SGCZ: variants seen among roughly 807,000 people sequenced by gnomAD.
The protein encoded by SGCZ is sarcoglycan zeta.
SGCZ carries 40 observed loss-of-function variants against 41.3 expected under a neutral mutation model. The observed-to-expected ratio is 0.97, with a 90% CI of 0.75 to 1.26. The LOEUF is 1.26. Among genes scored for constraint, SGCZ ranks in the 50% most tolerant of loss-of-function variants. The probability of loss-of-function intolerance (pLI) is 0.00; values close to 1 mark genes in which losing one functional copy is unlikely to be tolerated. For missense variants in SGCZ, 552 were observed against 369.8 expected, an observed-to-expected ratio of 1.49 and a Z score of -4.04; for synonymous variants, 206 against 137.5, an observed-to-expected ratio of 1.50 and a Z score of -3.49.
chr8:14,642,837 A>C (rs1807072839), intron 1 of SGCZ, among the ~76,000 whole-genome samples: 1 of 151,520 alleles, frequency 6.6e-6, no homozygotes, highest in Non-Finnish European at 1.5e-5. Flanking sequence ...ATGATTTCTC[A>C]ATTTAAAAAA....
chr8:14,790,537 T>C (rs1203687575), intron 1 of SGCZ, among the ~76,000 whole-genome samples: 1 of 152,090 alleles, frequency 6.6e-6, no homozygotes, highest in Non-Finnish European at 1.5e-5. Flanking sequence ...ACAAAGAGAG[T>C]ATTTATAGAA....
intron 1 of SGCZ, among the ~76,000 whole-genome samples, chr8:14,692,786 A>G (rs1808840359): frequency 6.6e-6 from 1 of 152,214 alleles, no homozygotes; most frequent in Non-Finnish European, 1.5e-5. Flanking sequence ...AGAGTTAGTA[A>G]TAATGGCAAA....
intron 1 of SGCZ, among the ~76,000 whole-genome samples, chr8:14,928,637 TG>T (rs1433559281): frequency 1.3e-5 from 2 of 152,206 alleles, no homozygotes; most frequent in African/African-American, 4.8e-5. Context: ...ATTATATTAC[TG>T]GGGTCCTCAG....
At chr8:14,274,027 T>A (rs1035117945) in intron 3 of SGCZ, among the ~76,000 whole-genome samples, 1 of 152,166 alleles carries the variant, frequency 6.6e-6, no homozygotes, top group Non-Finnish European at 1.5e-5. Context: ...TAGGCTTCAG[T>A]GTAAAATTCC....
chr8:14,431,556 C>A (rs556276451), intron 2 of SGCZ, among the ~76,000 whole-genome samples: 114 of 152,312 alleles, frequency 7.5e-4, no homozygotes, highest in African/African-American at 2.1e-3. Context: ...GGATCAAGAA[C>A]TTCCATCTAA....
chr8:14,603,586 G>A (rs540092282), intron 1 of SGCZ, among the ~76,000 whole-genome samples: 1 of 151,908 alleles, frequency 6.6e-6, no homozygotes, highest in East Asian at 1.9e-4. Context: ...AGGTTTTAGG[G>A]TTTTTTTAAA....
At chr8:14,178,401 G>T (rs77700424) in intron 4 of SGCZ, among the ~76,000 whole-genome samples, 1 of 152,186 alleles carries the variant, frequency 6.6e-6, no homozygotes, top group African/African-American at 2.4e-5. Flanking sequence ...GTCCATAGCC[G>T]TCATTAGATT....
chr8:14,523,329 CA>C (rs1440342359), intron 2 of SGCZ, among the ~76,000 whole-genome samples: 1 of 151,934 alleles, frequency 6.6e-6, no homozygotes, highest in Non-Finnish European at 1.5e-5. Flanking sequence ...TACCTTTAGC[CA>C]CTCCTTTAGG....
intron 2 of SGCZ, among the ~76,000 whole-genome samples, chr8:14,454,885 G>A (rs1158673656): frequency 6.6e-6 from 1 of 152,110 alleles, no homozygotes; most frequent in Non-Finnish European, 1.5e-5. Flanking sequence ...AACTCCAAAT[G>A]GATTAGGCAT....
chr8:14,382,234 A>T (rs1585430953), intron 2 of SGCZ, among the ~76,000 whole-genome samples: 2 of 152,260 alleles, frequency 1.3e-5, no homozygotes, highest in Admixed American at 1.3e-4. Context: ...TCTTCTGTGT[A>T]GCTGGAGCAG....
chr8:14,456,291 C>A (rs1473214095), intron 2 of SGCZ, among the ~76,000 whole-genome samples: 1 of 152,042 alleles, frequency 6.6e-6, no homozygotes, highest in African/African-American at 2.4e-5. Context: ...GCCTATAATC[C>A]CAGCTACTTG....
chr8:14,746,110 T>G (rs537330508), intron 1 of SGCZ, among the ~76,000 whole-genome samples: 5 of 152,070 alleles, frequency 3.3e-5, no homozygotes, highest in South Asian at 2.1e-4. Flanking sequence ...AATATCGATC[T>G]ATAAATATAT....
intron 1 of SGCZ, among the ~76,000 whole-genome samples, chr8:15,043,944 A>T (rs898847345): frequency 4.6e-5 from 7 of 152,074 alleles, no homozygotes; most frequent in African/African-American, 1.7e-4. Flanking sequence ...CTACTCCCAC[A>T]AGGTTCTCTC....
At chr8:15,001,546 A>G (rs927708002) in intron 1 of SGCZ, among the ~76,000 whole-genome samples, 14 of 152,064 alleles carry the variant, frequency 9.2e-5, no homozygotes, top group East Asian at 7.8e-4. Context: ...TGGCTAACAC[A>G]GTGAAACCCC....
At chr8:14,794,971 C>T (rs1392366794) in intron 1 of SGCZ, among the ~76,000 whole-genome samples, 1 of 152,168 alleles carries the variant, frequency 6.6e-6, no homozygotes, top group African/African-American at 2.4e-5. Context: ...ACAATAACAT[C>T]ACTTTCAGAC....
intron 1 of SGCZ, among the ~76,000 whole-genome samples, chr8:15,123,397 T>C (rs550914681): frequency 2.6e-5 from 4 of 152,242 alleles, no homozygotes; most frequent in Non-Finnish European, 4.4e-5. Context: ...TTGTATCTTA[T>C]ATGCAACACT....
intron 2 of SGCZ, among the ~76,000 whole-genome samples, chr8:14,463,555 G>T (rs2116958702): frequency 6.6e-6 from 1 of 151,526 alleles, no homozygotes; most frequent in Non-Finnish European, 1.5e-5. Flanking sequence ...GAAACATTGG[G>T]CAAAAACTTC....
chr8:14,472,611 G>C (rs1365804897), intron 2 of SGCZ, among the ~76,000 whole-genome samples: 1 of 152,048 alleles, frequency 6.6e-6, no homozygotes, highest in East Asian at 1.9e-4. Flanking sequence ...GCGTGCAGTG[G>C]TAAATGTTTT....
chr8:14,473,780 A>T (rs924329199), intron 2 of SGCZ, among the ~76,000 whole-genome samples: 4 of 152,030 alleles, frequency 2.6e-5, no homozygotes, highest in Non-Finnish European at 5.9e-5. Flanking sequence ...TACTAAAAAT[A>T]CAAAAAAATT....
Sources: allele counts gnomAD v4.1 joint callset (sites outside exome capture counted in the v4.1 genomes callset), GRCh38; gene constraint gnomAD v4.1.1; transcripts MANE v1.5; gene names NCBI Gene and HGNC (gene_info 2026-07-23, HGNC 2026-07-21).